The following RPSA2 variants were observed in gnomAD, a reference collection of about 807,000 sequenced individuals.
RPSA2 encodes the protein small ribosomal subunit protein uS2B.
chr19:23,771,485 T>G, the RPSA2 span, among the ~76,000 whole-genome samples: 2 of 152,216 alleles, frequency 1.3e-5, no homozygotes, highest in Non-Finnish European at 2.9e-5. Context: ...GTGAAATTGT[T>G]AATCTCATAC....
chr19:23,822,290 T>C, the RPSA2 span, among the ~76,000 whole-genome samples: 1 of 152,218 alleles, frequency 6.6e-6, no homozygotes, highest in Admixed American at 6.5e-5. Flanking sequence ...TTTCTGGGAA[T>C]TGGCCCTGAG....
chr19:23,777,152 T>G, the RPSA2 span, among the ~76,000 whole-genome samples: 2 of 152,162 alleles, frequency 1.3e-5, no homozygotes, highest in Non-Finnish European at 2.9e-5. Context: ...CATTGTGACA[T>G]ATTGCTGGAC....
the RPSA2 span, among the ~76,000 whole-genome samples, chr19:23,759,991 A>G: frequency 6.6e-6 from 1 of 152,136 alleles, no homozygotes; most frequent in East Asian, 1.9e-4. Flanking sequence ...AGAGGACGAC[A>G]GTTCCCATAG....
At chr19:23,858,474 T>G in the RPSA2 span, among the ~76,000 whole-genome samples, 27 of 152,328 alleles carry the variant, frequency 1.8e-4, no homozygotes, top group Non-Finnish European at 4.4e-5. Context: ...TATAAATGTT[T>G]CCCATGACAT....
chr19:23,761,931 T>TCTCTCTCTCTCTCTCTCTCTCTCTCTC, the RPSA2 span, among the ~76,000 whole-genome samples: 2 of 61,696 alleles, frequency 3.2e-5, no homozygotes, highest in African/African-American at 7.5e-5. Flanking sequence ...TTTTTTTTTT[T>TCTCTCTCTCTCTCTCTCTCTCTCTCTC]TTTTGAGATG....
chr19:23,811,810 T>C, the RPSA2 span, among the ~76,000 whole-genome samples: 1 of 141,094 alleles, frequency 7.1e-6, no homozygotes, highest in Non-Finnish European at 1.5e-5. Context: ...AATTTAGCAA[T>C]GTAAGGTATT....
chr19:23,791,789 G>A, the RPSA2 span, among the ~76,000 whole-genome samples: 2 of 342 alleles, frequency 5.8e-3, no homozygotes, highest in African/African-American at 7.2e-3. Flanking sequence ...TCTGAGACTG[G>A]AGTGCAGTGG....
the RPSA2 span, among the ~76,000 whole-genome samples, chr19:23,851,999 G>C: frequency 2.0e-5 from 3 of 152,138 alleles, no homozygotes; most frequent in African/African-American, 7.2e-5. Context: ...TGTCCAATTA[G>C]GGTGGCTATT....
At chr19:23,840,802 C>CAA in the RPSA2 span, among the ~76,000 whole-genome samples, 1,875 of 149,412 alleles carry the variant, frequency 0.013, 22 homozygotes, top group East Asian at 0.019. Context: ...TACTAAAATA[C>CAA]AAAAAAAAAA....
chr19:23,870,540 G>C, the RPSA2 span, among the ~76,000 whole-genome samples: 1 of 151,960 alleles, frequency 6.6e-6, no homozygotes, highest in Non-Finnish European at 1.5e-5. Context: ...AAAAGTTCTT[G>C]ATTTAAATAA....
At chr19:23,843,992 C>G in the RPSA2 span, among the ~76,000 whole-genome samples, 1 of 152,190 alleles carries the variant, frequency 6.6e-6, no homozygotes, top group African/African-American at 2.4e-5. Context: ...CTCCTGACCT[C>G]AGGTGATCTG....
the RPSA2 span, chr19:23,831,793 G>C: frequency 6.6e-6 from 2 of 305,214 alleles, no homozygotes; most frequent in Non-Finnish European, 1.4e-5. Flanking sequence ...CAACTACTCA[G>C]AGCAAAGTAT....
the RPSA2 span, among the ~76,000 whole-genome samples, chr19:23,778,004 C>T: frequency 6.6e-6 from 1 of 152,176 alleles, no homozygotes; most frequent in African/African-American, 2.4e-5. Context: ...TGACTTGTCT[C>T]TTCTTCGTAG....
the RPSA2 span, among the ~76,000 whole-genome samples, chr19:23,788,340 C>T: frequency 4.6e-5 from 7 of 152,158 alleles, no homozygotes; most frequent in Admixed American, 3.9e-4. Context: ...GACTTTTCTT[C>T]CTGGGTTGTC....
chr19:23,831,934 C>A, the RPSA2 span: 3 of 306,416 alleles, frequency 9.8e-6, no homozygotes, highest in South Asian at 3.9e-5. Context: ...ACACAAAACC[C>A]AACATAAAAG....
At chr19:23,854,008 T>C in the RPSA2 span, among the ~76,000 whole-genome samples, 280 of 152,274 alleles carry the variant, frequency 1.8e-3, 2 homozygotes, top group Middle Eastern at 0.01. Context: ...GTTTAGAAAT[T>C]ACATTAATCC....
the RPSA2 span, among the ~76,000 whole-genome samples, chr19:23,803,215 C>G: frequency 2.0e-5 from 3 of 151,950 alleles, no homozygotes; most frequent in Non-Finnish European, 4.4e-5. Context: ...CAGATTCACC[C>G]TTTTTGAAGA....
the RPSA2 span, among the ~76,000 whole-genome samples, chr19:23,784,003 C>T: frequency 6.6e-6 from 1 of 152,106 alleles, no homozygotes; most frequent in African/African-American, 2.4e-5. Flanking sequence ...TGTGACATAA[C>T]CCTGGCCCAG....
the RPSA2 span, among the ~76,000 whole-genome samples, chr19:23,857,654 C>A: frequency 1.2e-4 from 1 of 8,346 alleles, no homozygotes; most frequent in South Asian, 0.025. Flanking sequence ...CCACACCTAG[C>A]TAATTTTTTT....
Sources: gnomAD v4.1 joint callset for allele counts (sites outside exome capture counted in the v4.1 genomes callset) on GRCh38, gnomAD v4.1.1 for gene constraint, MANE v1.5 for transcripts, NCBI Gene and HGNC (gene_info 2026-07-23, HGNC 2026-07-21) for gene names.